The following THAP4 variants were observed in gnomAD, a reference collection of about 807,000 sequenced individuals.
THAP4 encodes the protein peroxynitrite isomerase THAP4.
Under a neutral mutation model 48.1 loss-of-function variants are expected in THAP4, and 18 were observed. The observed-to-expected ratio is 0.37, with a 90% CI of 0.26 to 0.56. The LOEUF is 0.56. Ranked by LOEUF, THAP4 falls within the 20% of genes least tolerant of loss-of-function variation. The pLI is 0.78. For synonymous variants in THAP4, 345 were observed against 324.9 expected (o/e 1.06, Z -0.66); for missense variants, 656 against 774.9 (o/e 0.85, Z 1.82).
intron 2 of THAP4, chr2:241,617,448 A>G (rs1186694827): frequency 1.3e-6 from 2 of 1,551,312 alleles, no homozygotes; most frequent in East Asian, 4.9e-5. Flanking sequence ...ACACTCGTCA[A>G]GGTTCCTCAA....
chr2:241,605,616 G>T (rs1250316022), intron 3 of THAP4, among the ~76,000 whole-genome samples: 3 of 152,108 alleles, frequency 2.0e-5, no homozygotes, highest in Non-Finnish European at 2.9e-5. Context: ...AAGAATATGA[G>T]AACCACATAC....
intron 2 of THAP4, among the ~76,000 whole-genome samples, chr2:241,624,270 G>A (rs566940476): frequency 1.3e-5 from 2 of 152,280 alleles, no homozygotes; most frequent in South Asian, 4.1e-4. Flanking sequence ...GGCAGATCAC[G>A]AGGTCAGGAG....
intron 5 of THAP4, among the ~76,000 whole-genome samples, chr2:241,586,538 C>T (rs527620158): frequency 6.6e-6 from 1 of 152,176 alleles, no homozygotes; most frequent in South Asian, 2.1e-4. Context: ...CCTTAGGTTA[C>T]TAGGAGATAA....
intron 4 of THAP4, 37 bp downstream of exon 4, chr2:241,602,933 C>A (rs2067134210): frequency 1.3e-6 from 2 of 1,514,126 alleles, no homozygotes; most frequent in South Asian, 1.1e-5. Context: ...AGCAGCCTCC[C>A]ATGGCCAGCC....
At chr2:241,596,789 A>G (rs1232190395) in intron 5 of THAP4, among the ~76,000 whole-genome samples, 4 of 148,868 alleles carry the variant, frequency 2.7e-5, no homozygotes, top group Non-Finnish European at 4.5e-5. Flanking sequence ...CTGGGCCACA[A>G]AGCGAGACTC....
At chr2:241,604,756 C>G (rs2067158632) in intron 3 of THAP4, among the ~76,000 whole-genome samples, 1 of 151,418 alleles carries the variant, frequency 6.6e-6, no homozygotes, top group Non-Finnish European at 1.5e-5. Flanking sequence ...TAGGGTCTCA[C>G]TGTGTTGCCC....
intron 5 of THAP4, among the ~76,000 whole-genome samples, chr2:241,588,937 G>A (rs1238366041): frequency 6.6e-6 from 1 of 152,192 alleles, no homozygotes; most frequent in Non-Finnish European, 1.5e-5. Flanking sequence ...GTTCTAGACT[G>A]CGCATGGTGG....
At chr2:241,611,653 G>A (rs1441403472) in intron 2 of THAP4, among the ~76,000 whole-genome samples, 2 of 151,444 alleles carry the variant, frequency 1.3e-5, no homozygotes, top group Non-Finnish European at 2.9e-5. Context: ...GAACCCCGGA[G>A]GCACAGGTTG....
chr2:241,589,195 G>A (rs1350881566), intron 5 of THAP4, among the ~76,000 whole-genome samples: 1 of 141,258 alleles, frequency 7.1e-6, no homozygotes, highest in Admixed American at 7.5e-5. Flanking sequence ...CCTGGGCAAC[G>A]AGAGCAAACA....
Position 241,584,632 on chromosome 2 carries a change from C to T in THAP4, c.1708G>A (p.Val570Ile), listed in dbSNP as rs146567363. 2.6e-5 allele frequency: 42 copies of T among 1,614,082 alleles called. No individual in the cohort carries two copies. Among genetic ancestry groups the T allele is most frequent in the African/African-American group, 4.0e-5 (3 of 75,000 alleles). Residue 570 changes from valine (V) to isoleucine (I), a missense_variant, in exon 6 of 6, where the codon GTC (valine) becomes ATC (isoleucine). Transcript: ENST00000407315. ...TTQPMTQHLH[V>I]TYKKVTP ...TACGGGGTCACCTTCTTGTAGGTGA[C>T]GTGAAGATGCTGAGTCATTGGCTGT...
chr2:241,628,624 C>T (rs979597050), intron 2 of THAP4, among the ~76,000 whole-genome samples: 1 of 151,472 alleles, frequency 6.6e-6, no homozygotes, highest in Non-Finnish European at 1.5e-5. Context: ...GGGACTGCCA[C>T]AACAGTCACC....
intron 2 of THAP4, among the ~76,000 whole-genome samples, chr2:241,622,273 G>A (rs182648907): frequency 6.6e-6 from 1 of 152,266 alleles, no homozygotes; most frequent in African/African-American, 2.4e-5. Context: ...GCTGAGGCAG[G>A]AGAATTGCTT....
At chr2:241,598,171 A>G (rs1439271782) in intron 5 of THAP4, among the ~76,000 whole-genome samples, 1 of 152,202 alleles carries the variant, frequency 6.6e-6, no homozygotes, top group Non-Finnish European at 1.5e-5. Context: ...GCAGGAGAAC[A>G]TGAATTTGCA....
At chr2:241,637,511 G>A (rs769366209), upstream of THAP4, 1 of 1,438,352 alleles carries the variant, frequency 7.0e-7, no homozygotes, top group South Asian at 1.4e-5. Context: ...ACGACCCCAT[G>A]CCGCCCGCAG....
At chr2:241,627,265 A>C (rs1379283695) in intron 2 of THAP4, among the ~76,000 whole-genome samples, 4 of 152,344 alleles carry the variant, frequency 2.6e-5, no homozygotes, top group Admixed American at 2.6e-4. Flanking sequence ...CAAGAATTAT[A>C]TGTAGATAAT....
intron 2 of THAP4, chr2:241,617,510 T>G (rs1392901319): frequency 2.0e-6 from 3 of 1,533,532 alleles, no homozygotes; most frequent in East Asian, 2.5e-5. Flanking sequence ...TCTTAATGGC[T>G]CTGCAGGAAG....
At chr2:241,631,215 C>T (rs757729288) in intron 2 of THAP4, among the ~76,000 whole-genome samples, 2 of 152,136 alleles carry the variant, frequency 1.3e-5, no homozygotes, top group African/African-American at 2.4e-5. Context: ...GCTTTGTTTT[C>T]GGTTGTGCTA....
intron 5 of THAP4, among the ~76,000 whole-genome samples, chr2:241,595,981 G>A (rs961120912): frequency 7.2e-5 from 11 of 152,204 alleles, no homozygotes; most frequent in African/African-American, 1.9e-4. Context: ...TGGGCTGCAC[G>A]TGGAAAGGAT....
At chr2:241,607,952 A>G (rs1421188570) in intron 2 of THAP4, among the ~76,000 whole-genome samples, 1 of 131,212 alleles carries the variant, frequency 7.6e-6, no homozygotes, top group African/African-American at 2.9e-5. Flanking sequence ...CCAGGCCCGC[A>G]AAAGCAGAAG....
Sources: gnomAD v4.1 joint callset for allele counts (sites outside exome capture counted in the v4.1 genomes callset) on GRCh38, gnomAD v4.1.1 for gene constraint, MANE v1.5 for transcripts, NCBI Gene and HGNC (gene_info 2026-07-23, HGNC 2026-07-21) for gene names.